TBC1D5: variants seen among roughly 807,000 people sequenced by gnomAD.
The protein encoded by TBC1D5 is TBC1 domain family, member 5.
In TBC1D5, 75 loss-of-function variants were observed where a neutral mutation model predicts 100.3. The ratio of observed to expected loss-of-function variants is 0.75; its 90% CI spans 0.62 to 0.91. TBC1D5 has a LOEUF of 0.91. TBC1D5 is among the 40% of genes least tolerant of loss of function. TBC1D5 has a pLI of 0.00. For missense variants in TBC1D5, 910 were observed against 942.4 expected, an observed-to-expected ratio of 0.97 and a Z score of 0.45; for synonymous variants, 323 against 325.6, an observed-to-expected ratio of 0.99 and a Z score of 0.09.
intron 2 of TBC1D5, among the ~76,000 whole-genome samples, chr3:17,569,633 C>T (rs1354466840): frequency 1.3e-5 from 2 of 151,504 alleles, no homozygotes; most frequent in African/African-American, 4.8e-5. Flanking sequence ...ATTATAAATG[C>T]ACTTGAGCCT....
chr3:17,392,527 G>A (rs977798458), intron 8 of TBC1D5, among the ~76,000 whole-genome samples: 10 of 151,770 alleles, frequency 6.6e-5, no homozygotes, highest in East Asian at 1.9e-4. Flanking sequence ...CCCCGACCCC[G>A]CAACAGGCCC....
At chr3:17,344,819 G>C (rs2089615779) in intron 13 of TBC1D5, among the ~76,000 whole-genome samples, 2 of 152,140 alleles carry the variant, frequency 1.3e-5, no homozygotes, top group Admixed American at 1.3e-4. Context: ...AATGGAGAAA[G>C]GATTCTCTAT....
intron 1 of TBC1D5, among the ~76,000 whole-genome samples, chr3:17,625,850 T>C (rs928696010): frequency 2.6e-5 from 4 of 152,118 alleles, no homozygotes; most frequent in Admixed American, 6.5e-5. Flanking sequence ...ATAGCTTTAG[T>C]ATATTAACTA....
intron 13 of TBC1D5, among the ~76,000 whole-genome samples, chr3:17,324,065 T>C (rs1212153165): frequency 6.6e-6 from 1 of 152,176 alleles, no homozygotes; most frequent in African/African-American, 2.4e-5. Context: ...GGAAATTCAA[T>C]GGCAAATGGA....
At chr3:17,479,357 C>T (rs1261819097) in intron 3 of TBC1D5, among the ~76,000 whole-genome samples, 4 of 152,130 alleles carry the variant, frequency 2.6e-5, no homozygotes, top group Non-Finnish European at 5.9e-5. Flanking sequence ...GAACTGTGAT[C>T]GCACCACTGT....
At chr3:17,467,509 C>CA (rs910494501) in intron 3 of TBC1D5, among the ~76,000 whole-genome samples, 5 of 151,328 alleles carry the variant, frequency 3.3e-5, no homozygotes, top group Admixed American at 3.3e-4. Context: ...AAGACACAGA[C>CA]AAAAAAAGTT....
rs1576026438 is a variant in TBC1D5, at chr3:17,449,616, C to T, written c.98-21097G>A. Among the ~76,000 whole-genome samples the T allele has an allele frequency of 7.2e-5, 11 of 152,256 alleles. 1 individual carries two copies. The South Asian group carries it at 2.1e-3, about 29-fold the overall frequency. ...CCCCTCAGAGTATAAAGAAAGCCAT[C>T]AGTAAGTTCGAACTGGGAACCCACT... On this transcript the variant is annotated intron_variant, in intron 3 of 21. Coordinates refer to ENST00000253692, the Ensembl canonical transcript of TBC1D5.
chr3:17,258,315 G>A (rs984553341), intron 16 of TBC1D5, among the ~76,000 whole-genome samples, 191 bp downstream of exon 16: 1 of 151,870 alleles, frequency 6.6e-6, no homozygotes, highest in Non-Finnish European at 1.5e-5. Flanking sequence ...TTTATTTTTC[G>A]TCTTACCATT....
intron 8 of TBC1D5, among the ~76,000 whole-genome samples, chr3:17,395,898 A>G (rs987891997): frequency 6.6e-6 from 1 of 152,172 alleles, no homozygotes; most frequent in Non-Finnish European, 1.5e-5. Flanking sequence ...ATACTTTAAA[A>G]CAGTACAGGA....
chr3:17,715,674 C>T (rs558109919), intron 1 of TBC1D5, among the ~76,000 whole-genome samples: 1 of 152,160 alleles, frequency 6.6e-6, no homozygotes, highest in South Asian at 2.1e-4. Context: ...CCTGGTAGCA[C>T]ACCTGTAGTC....
intron 18 of TBC1D5, among the ~76,000 whole-genome samples, chr3:17,206,348 T>G (rs557916101): frequency 6.6e-6 from 1 of 152,316 alleles, no homozygotes; most frequent in South Asian, 2.1e-4. Context: ...AATTTCACTC[T>G]AAGCATCTTC....
At chr3:17,396,133 C>A (rs2093498531) in intron 8 of TBC1D5, among the ~76,000 whole-genome samples, 1 of 152,040 alleles carries the variant, frequency 6.6e-6, no homozygotes, top group African/African-American at 2.4e-5. Context: ...CGGCTGTGAA[C>A]AAGTGCATAT....
rs1036415378 is a variant in TBC1D5 at position 17,655,417 on chromosome 3, T to C, written c.-100-31504A>G. 6.6e-5 allele frequency among the ~76,000 whole-genome samples: 10 copies of C among 150,842 alleles called. 1 individual carries two copies. In the South Asian group the frequency reaches 1.9e-3, roughly 29 times the overall value. On this transcript the variant is annotated intron_variant, in intron 1 of 21. Coordinates refer to ENST00000253692, the Ensembl canonical transcript of TBC1D5. The stretch of plus-strand genomic sequence containing the variant: ...CACATGTATACATATGTAACTAACC[T>C]GCACATTGTGCACATGTACCCTAAA...
intron 2 of TBC1D5, among the ~76,000 whole-genome samples, chr3:17,529,657 T>G (rs1008308719): frequency 6.6e-6 from 1 of 151,826 alleles, no homozygotes; most frequent in Non-Finnish European, 1.5e-5. Flanking sequence ...TTATTTTTAT[T>G]TTTTTTTGAG....
chr3:17,452,412 C>G (rs1365121242), intron 3 of TBC1D5, among the ~76,000 whole-genome samples: 2 of 152,144 alleles, frequency 1.3e-5, no homozygotes, highest in African/African-American at 4.8e-5. Context: ...ACCCAAGACA[C>G]AGTGATCTAT....
chr3:17,415,314 C>T (rs1398563004), intron 4 of TBC1D5, among the ~76,000 whole-genome samples: 2 of 151,916 alleles, frequency 1.3e-5, no homozygotes, highest in African/African-American at 2.4e-5. Flanking sequence ...CCCACCACCA[C>T]GCCCGGCGAA....
Position 17,272,325 on chromosome 3 carries a change from T to C in TBC1D5, c.1246-13734A>G, listed in dbSNP as rs115400463. 9.3e-3 allele frequency among the ~76,000 whole-genome samples: 1,409 copies of C among 152,320 alleles called. 20 individuals are homozygous for C. The highest frequency in any genetic ancestry group is 0.033 in the African/African-American group (1,363 of 41,556). On this transcript the variant is annotated intron_variant, in intron 15 of 21. Coordinates refer to ENST00000253692, the Ensembl canonical transcript of TBC1D5. ...GTACTATTAAATTATTTAGGAGTTGTTCTATATAACTGGAAACTTAGACAA... is the reference window on the plus strand; with the variant it reads ...GTACTATTAAATTATTTAGGAGTTGCTCTATATAACTGGAAACTTAGACAA...
At chr3:17,625,713 C>CA (rs888965510) in intron 1 of TBC1D5, among the ~76,000 whole-genome samples, 1 of 151,898 alleles carries the variant, frequency 6.6e-6, no homozygotes, top group African/African-American at 2.4e-5. Flanking sequence ...ATTACAACCT[C>CA]AAAAAATCAT....
intron 3 of TBC1D5, among the ~76,000 whole-genome samples, chr3:17,433,536 C>A (rs533894121): frequency 2.0e-5 from 3 of 152,070 alleles, no homozygotes. Flanking sequence ...TGGGGGTAAC[C>A]GCCCTCATGA....
Sources: gnomAD v4.1 joint callset for allele counts (sites outside exome capture counted in the v4.1 genomes callset) on GRCh38, gnomAD v4.1.1 for gene constraint, MANE v1.5 for transcripts, NCBI Gene and HGNC (gene_info 2026-07-23, HGNC 2026-07-21) for gene names.